Variants in CDC42 observed in about 807,000 individuals in gnomAD.
The protein encoded by CDC42 is cell division control protein 42 homolog.
CDC42 carries 1 observed loss-of-function variant against 20.8 expected under a neutral mutation model. That is an observed-to-expected ratio of 0.05 (90% CI 0.02 to 0.23). The LOEUF is 0.23. Ranked by LOEUF, CDC42 falls within the 10% of genes least tolerant of loss-of-function variation. The pLI, the probability that CDC42 is intolerant of heterozygous loss-of-function variation, is 1.00. For synonymous variants in CDC42, 72 were observed against 84.8 expected, an observed-to-expected ratio of 0.85 and a Z score of 0.83; for missense variants, 49 against 227.9, an observed-to-expected ratio of 0.21 and a Z score of 5.05.
At chr1:22,089,791 T>C in intron 5 of CDC42, 1 of 717,054 alleles carries the variant, frequency 1.4e-6, no homozygotes, top group Non-Finnish European at 2.1e-6. Flanking sequence ...CTCCTGGTTA[T>C]AATGGGCTTA....
intron 5 of CDC42, 121 bp from the exon 6 acceptor site, chr1:22,091,307 G>T: frequency 1.6e-6 from 1 of 636,832 alleles, no homozygotes; most frequent in East Asian, 2.7e-5. Flanking sequence ...TTGAGATTCA[G>T]GGTTGTTTTT....
At chr1:22,057,406 T>C (rs886248352) in intron 1 of CDC42, among the ~76,000 whole-genome samples, 5 of 152,208 alleles carry the variant, frequency 3.3e-5, no homozygotes, top group African/African-American at 1.2e-4. Flanking sequence ...TTTTTTGAGA[T>C]GGAGTTTTGC....
intron 1 of CDC42, among the ~76,000 whole-genome samples, chr1:22,060,834 C>T (rs1645354842): frequency 1.3e-5 from 2 of 152,126 alleles, no homozygotes; most frequent in Non-Finnish European, 2.9e-5. Flanking sequence ...TTAAGATTAA[C>T]AAGATTTTAA....
At chr1:22,064,382 T>A (rs1645398922) in intron 1 of CDC42, among the ~76,000 whole-genome samples, 1 of 152,142 alleles carries the variant, frequency 6.6e-6, no homozygotes, top group South Asian at 2.1e-4. Context: ...AGCCTCTGCC[T>A]CCTGGGTTCA....
intron 1 of CDC42, among the ~76,000 whole-genome samples, chr1:22,055,049 G>C (rs2152825341): frequency 7.1e-6 from 1 of 141,524 alleles, no homozygotes; most frequent in African/African-American, 2.6e-5. Flanking sequence ...CGCCTCCCAG[G>C]TTCACACCAT....
chr1:22,098,868 C>T lies in CDC42; in HGVS notation c.*7351C>T, dbSNP rs1367219194. 6.6e-6 allele frequency among the ~76,000 whole-genome samples: 1 copy of T among 152,166 alleles called. No individual in the cohort carries two copies. Among genetic ancestry groups the T allele is most frequent in the Non-Finnish European group, 1.5e-5 (1 of 68,024 alleles). On this transcript the variant is annotated 3_prime_UTR_variant, in exon 6 of 6. Coordinates refer to ENST00000656825, the MANE Select transcript of CDC42 (RefSeq NM_001791.4). ...TGACCTCCCCAGCTCAAGCGATCCTCCCGCCTCAGCCTCCCGAGTAGAAGG... is the reference window on the plus strand; with the variant it reads ...TGACCTCCCCAGCTCAAGCGATCCTTCCGCCTCAGCCTCCCGAGTAGAAGG...
chr1:22,093,075 A>G lies in CDC42; in HGVS notation c.*1558A>G, dbSNP rs192907492. ...AAAATTTTAAAGCTTTATTATTTTT[A>G]TTTTCTGGCATTTTAGTTTGAGATA... is the stretch of plus-strand genomic sequence containing the variant. On this transcript the variant is annotated 3_prime_UTR_variant, in exon 6 of 6. Coordinates refer to ENST00000656825, the MANE Select transcript of CDC42 (RefSeq NM_001791.4). 3 of 152,456 alleles carry G rather than the reference A, an allele frequency of 2.0e-5. No homozygotes were observed. The highest frequency in any genetic ancestry group is 7.2e-5 in the African/African-American group (3 of 41,516). The allele number at this position is 152,456 out of a possible 1,614,324, so 9.4% of individuals were successfully genotyped here. A position where few individuals can be genotyped will look rare whatever the true frequency, so the allele number is the denominator to read the frequency against.
chr1:22,094,449 T>A lies in CDC42; in HGVS notation c.*2932T>A, dbSNP rs1570054841. 6.9e-6 allele frequency among the ~76,000 whole-genome samples: 1 copy of A among 145,448 alleles called. No homozygotes were observed. The highest frequency in any genetic ancestry group is 6.8e-5 in the Admixed American group (1 of 14,620). ...AGTAGCTGGGACTACCGGCGCCCGC[T>A]ACCACGCCCGGCTAATTTTTTGTAT... On this transcript the variant is annotated 3_prime_UTR_variant, in exon 6 of 6. Coordinates refer to ENST00000656825, the MANE Select transcript of CDC42 (RefSeq NM_001791.4).
intron 1 of CDC42, among the ~76,000 whole-genome samples, chr1:22,068,993 C>T (rs1271388920): frequency 6.6e-6 from 1 of 152,038 alleles, no homozygotes; most frequent in Non-Finnish European, 1.5e-5. Flanking sequence ...AATTGTTGCT[C>T]CAAGAGGGCG....
At chr1:22,058,920 T>C (rs1421616022) in intron 1 of CDC42, among the ~76,000 whole-genome samples, 2 of 152,068 alleles carry the variant, frequency 1.3e-5, no homozygotes, top group East Asian at 3.9e-4. Context: ...GCTTAAAGGA[T>C]CCTCCAACCT....
chr1:22,072,557 G>T (rs1279073203), intron 1 of CDC42, among the ~76,000 whole-genome samples: 1 of 152,066 alleles, frequency 6.6e-6, no homozygotes, highest in African/African-American at 2.4e-5. Flanking sequence ...CAAATCTTCT[G>T]TTCTGGAGTT....
intron 1 of CDC42, among the ~76,000 whole-genome samples, chr1:22,056,746 CT>C (rs1202704027): frequency 2.6e-5 from 4 of 152,208 alleles, no homozygotes; most frequent in African/African-American, 9.6e-5. Context: ...TGTGGCGTCC[CT>C]TTTTGCAATT....
chr1:22,072,090 CCT>C (rs1491311338), intron 1 of CDC42, among the ~76,000 whole-genome samples: 1 of 106,648 alleles, frequency 9.4e-6, no homozygotes, highest in Non-Finnish European at 1.9e-5. Flanking sequence ...GTTTTACTTA[CCT>C]TTTTTTTTTT....
chr1:22,057,635 C>T (rs569702531), intron 1 of CDC42, among the ~76,000 whole-genome samples: 4 of 152,208 alleles, frequency 2.6e-5, no homozygotes, highest in African/African-American at 9.6e-5. Flanking sequence ...CCGCCCGTCT[C>T]GGCCTCTCAA....
At chr1:22,076,409 G>C (rs1448289514) in intron 1 of CDC42, among the ~76,000 whole-genome samples, 2 of 151,926 alleles carry the variant, frequency 1.3e-5, no homozygotes, top group Non-Finnish European at 2.9e-5. Flanking sequence ...AGTGAGCAGA[G>C]ATCACGCCAC....
intron 5 of CDC42, chr1:22,090,412 C>G: frequency 1.0e-6 from 1 of 999,064 alleles, no homozygotes; most frequent in Non-Finnish European, 1.2e-6. Flanking sequence ...TCATTTTACT[C>G]TTATGATCAA....
chr1:22,064,910 G>C lies in CDC42; in HGVS notation c.-51+12168G>C, dbSNP rs114906471. On this transcript the variant is annotated intron_variant, in intron 1 of 5. Transcript: ENST00000656825. ...CAGGCTGGTCTCGAACTTGACCTCAGGTGATCCACCCACCTCGGCATTCTG... is the reference window on the plus strand; with the variant it reads ...CAGGCTGGTCTCGAACTTGACCTCACGTGATCCACCCACCTCGGCATTCTG... Among the ~76,000 whole-genome samples, 1,406 of 152,176 alleles carry C rather than the reference G, an allele frequency of 9.2e-3. 8 individuals are homozygous for C. The highest frequency in any genetic ancestry group is 0.021 in the South Asian group (100 of 4,816).
chr1:22,085,797 A>G (rs1351760315), intron 3 of CDC42, among the ~76,000 whole-genome samples: 1 of 152,122 alleles, frequency 6.6e-6, no homozygotes, highest in Non-Finnish European at 1.5e-5. Context: ...GGATTTTGTC[A>G]TCTGGGTTTC....
chr1:22,065,477 A>ATGCTTT (rs778715523), intron 1 of CDC42, among the ~76,000 whole-genome samples: 5 of 152,188 alleles, frequency 3.3e-5, no homozygotes, highest in Non-Finnish European at 5.9e-5. Flanking sequence ...TGATATTTAG[A>ATGCTTT]TGCTTTTACT....
Sources: allele counts gnomAD v4.1 joint callset (sites outside exome capture counted in the v4.1 genomes callset), GRCh38; gene constraint gnomAD v4.1.1; transcripts MANE v1.5; gene names NCBI Gene and HGNC (gene_info 2026-07-23, HGNC 2026-07-21).